The following LEF1 variants were observed in gnomAD, a reference collection of about 807,000 sequenced individuals.
LEF1 encodes the protein lymphoid enhancer-binding factor 1.
A neutral mutation model predicts 51.2 loss-of-function variants in LEF1; 14 were observed. That is an observed-to-expected ratio of 0.27 (90% CI 0.18 to 0.43). The LOEUF is 0.43. LEF1 is among the 20% of genes least tolerant of loss of function. The pLI, the probability that LEF1 is intolerant of heterozygous loss-of-function variation, is 1.00. For synonymous variants in LEF1, 185 were observed against 183.2 expected, an observed-to-expected ratio of 1.01 and a Z score of -0.08; for missense variants, 386 against 512.0, an observed-to-expected ratio of 0.75 and a Z score of 2.37.
At chr4:108,085,821 T>C (rs1739608050) in intron 4 of LEF1, among the ~76,000 whole-genome samples, 1 of 152,264 alleles carries the variant, frequency 6.6e-6, no homozygotes. Flanking sequence ...GTACTTTTAA[T>C]GTGGTACTTG....
At chr4:108,142,835 G>A (rs934532688) in intron 3 of LEF1, among the ~76,000 whole-genome samples, 7 of 152,208 alleles carry the variant, frequency 4.6e-5, no homozygotes, top group African/African-American at 1.4e-4. Context: ...TATGGATGGA[G>A]AGAGCAGGAA....
At chr4:108,159,891 T>G (rs1744959876) in intron 3 of LEF1, among the ~76,000 whole-genome samples, 2 of 152,146 alleles carry the variant, frequency 1.3e-5, no homozygotes, top group Non-Finnish European at 1.5e-5. Flanking sequence ...AACACCCATA[T>G]CTTTCCTTTC....
chr4:108,123,327 A>C (rs572692558), intron 3 of LEF1, among the ~76,000 whole-genome samples: 109 of 151,786 alleles, frequency 7.2e-4, no homozygotes, highest in Admixed American at 2.6e-3. Flanking sequence ...ACAGCACTTG[A>C]GACAAGAAAT....
rs1225148352 is a variant in LEF1, at chr4:108,048,232, G to A, written c.*526C>T. ...GATCCTTTTGCACTGTTAAATAAAA[G>A]CTTTAGGAGAAAAGAAAAGAAAGAA... On this transcript the variant is annotated 3_prime_UTR_variant, in exon 12 of 12. Coordinates refer to ENST00000265165, the MANE Select transcript of LEF1 (RefSeq NM_016269.5). 1.3e-5 allele frequency: 2 copies of A among 153,098 alleles called. No individual in the cohort carries two copies. The highest frequency in any genetic ancestry group is 4.8e-5 in the African/African-American group (2 of 41,376). 9.5% of individuals were successfully genotyped at this position (153,098 alleles called of 1,614,324 possible).
chr4:108,154,417 G>C (rs865874364), intron 3 of LEF1, among the ~76,000 whole-genome samples: 4 of 108,508 alleles, frequency 3.7e-5, no homozygotes, highest in Admixed American at 1.5e-4. Flanking sequence ...AAGGTGCCTC[G>C]CACAGTATGT....
chr4:108,086,315 C>T lies in LEF1; in HGVS notation c.547+2810G>A, dbSNP rs79136291. Among the ~76,000 whole-genome samples the T allele has an allele frequency of 6.0e-4, 92 of 152,208 alleles. 1 individual carries two copies. In the East Asian group the frequency reaches 0.018, roughly 29 times the overall value. On this transcript the variant is annotated intron_variant, in intron 4 of 11. Coordinates refer to ENST00000265165, the MANE Select transcript of LEF1 (RefSeq NM_016269.5). ...CTGTTGCCCAGGCTGGCCTCAAACT[C>T]GTGGCCTCAAGCGATCCTTGCGTCA...
intron 11 of LEF1, among the ~76,000 whole-genome samples, chr4:108,058,803 G>T (rs549757416): frequency 1.3e-5 from 2 of 152,132 alleles, no homozygotes; most frequent in Non-Finnish European, 2.9e-5. Flanking sequence ...CACCCCCACC[G>T]CCTAACAGGA....
chr4:108,156,116 T>C (rs1488003669), intron 3 of LEF1, among the ~76,000 whole-genome samples: 1 of 152,242 alleles, frequency 6.6e-6, no homozygotes, highest in Non-Finnish European at 1.5e-5. Context: ...TTTTTACTAG[T>C]ATTGTGTTTC....
chr4:108,048,707 T>A lies in LEF1; in HGVS notation c.*51A>T, dbSNP rs375108909. The A allele has an allele frequency of 1.1e-5, 17 of 1,609,952 alleles. No homozygotes were observed. Among genetic ancestry groups the A allele is most frequent in the Non-Finnish European group, 1.4e-5 (16 of 1,177,794 alleles). On this transcript the variant is annotated 3_prime_UTR_variant, in exon 12 of 12. Coordinates refer to ENST00000265165, the MANE Select transcript of LEF1 (RefSeq NM_016269.5). ...TCCATCTCCAGAAGAGGTCCTGGGG[T>A]CGCTGCCTTGGCTTTGCACGTTGGG...
chr4:108,062,542 C>T (rs1420728422), intron 11 of LEF1, among the ~76,000 whole-genome samples: 1 of 152,184 alleles, frequency 6.6e-6, no homozygotes, highest in Non-Finnish European at 1.5e-5. Context: ...GGCAGACCCA[C>T]ACACTCAGTG....
chr4:108,137,452 C>G (rs958787720), intron 3 of LEF1, among the ~76,000 whole-genome samples: 2 of 152,162 alleles, frequency 1.3e-5, no homozygotes, highest in African/African-American at 4.8e-5. Context: ...CATACTACAA[C>G]TTAGATTTTT....
intron 8 of LEF1, among the ~76,000 whole-genome samples, chr4:108,076,942 A>T (rs757946520): frequency 3.4e-5 from 5 of 146,696 alleles, no homozygotes; most frequent in Non-Finnish European, 5.9e-5. Context: ...CAGGAGAATC[A>T]CTTGAAGCTG....
In LEF1 at chr4:108,163,706, G is replaced by A. The variant is rs1390875053; in HGVS notation, c.281-5C>T. The A allele has an allele frequency of 2.2e-5, 36 of 1,612,252 alleles. No homozygotes were observed. The highest frequency in any genetic ancestry group is 3.1e-5 in the Non-Finnish European group (36 of 1,179,198). On this transcript the variant is annotated splice_region_variant and splice_polypyrimidine_tract_variant and intron_variant, in intron 2 of 11. Transcript: ENST00000265165. The stretch of plus-strand genomic sequence containing the variant: ...GGCCTCCATCTGGATGCTTTCCTGG[G>A]AAGATCCAAAGAACAATCAATGATG...
In LEF1 at chr4:108,165,088, G is replaced by A; in HGVS notation, c.280+9C>T. On this transcript the variant is annotated intron_variant, in intron 2 of 11. Transcript: ENST00000265165. ...GCTAAAGTCAGAAGAAGTAGAATGGGTGTCTTACCGTCATCGGGGTGTTCT... is the reference window on the plus strand; with the variant it reads ...GCTAAAGTCAGAAGAAGTAGAATGGATGTCTTACCGTCATCGGGGTGTTCT... 1 of 1,613,130 alleles carries A rather than the reference G, an allele frequency of 6.2e-7. No homozygotes were observed.
rs1432465560 is a variant in LEF1 at position 108,081,638 on chromosome 4, C to T, written c.670G>A (p.Gly224Arg). ...QGQPVYPITG[G>R]FRQPYPSSLS... is the part of the protein sequence containing the mutation. ...GAGGATGGGTAGGGTTGCCTGAATC[C>T]ACCCGTGATGGGATATACAGGCTGA... The change falls in exon 6 of 12, where the codon GGA becomes AGA. Residue 224 changes from glycine to arginine, a missense_variant. Physicochemically the swap from Gly to Arg is moderately radical, Grantham distance 125. Around this residue, in one of 2 missense-constraint regions of LEF1, gnomAD observed 335 missense variants for 390.7 expected, o/e 0.86. Transcript: ENST00000265165. 1 of 1,614,068 alleles carries T rather than the reference C, an allele frequency of 6.2e-7. No individual in the cohort carries two copies. Among genetic ancestry groups the T allele is most frequent in the Non-Finnish European group, 8.5e-7 (1 of 1,179,988 alleles).
intron 3 of LEF1, among the ~76,000 whole-genome samples, chr4:108,157,166 C>CTG (rs1242263842): frequency 8.6e-6 from 1 of 116,154 alleles, no homozygotes. Context: ...CTCTCTCTCT[C>CTG]TCTATATATA....
At chr4:108,120,023 GTGTGTGTGTA>G (rs1181370001) in intron 3 of LEF1, among the ~76,000 whole-genome samples, 1 of 94,078 alleles carries the variant, frequency 1.1e-5, no homozygotes, top group Admixed American at 1.1e-4. Flanking sequence ...GTGTGTGTGT[GTGTGTGTGTA>G]TGTATGTATA....
intron 3 of LEF1, among the ~76,000 whole-genome samples, chr4:108,157,685 C>A (rs988387678): frequency 2.6e-5 from 4 of 152,322 alleles, no homozygotes; most frequent in African/African-American, 9.6e-5. Context: ...AGTCCTATTT[C>A]TCCTACAAAT....
At chr4:108,131,137 C>A (rs560703510) in intron 3 of LEF1, among the ~76,000 whole-genome samples, 1 of 151,920 alleles carries the variant, frequency 6.6e-6, no homozygotes, top group East Asian at 1.9e-4. Context: ...CTACATCCAG[C>A]TTATTTTAAT....
Sources: allele counts gnomAD v4.1 joint callset (sites outside exome capture counted in the v4.1 genomes callset), GRCh38; gene constraint gnomAD v4.1.1; regional missense constraint gnomAD v4.1.1; transcripts MANE v1.5; gene names NCBI Gene and HGNC (gene_info 2026-07-23, HGNC 2026-07-21).